ARHGEF11: variants seen among roughly 807,000 people sequenced by gnomAD.
ARHGEF11 encodes Rho guanine exchange factor (GEF) 11.
In ARHGEF11, 55 loss-of-function variants were observed where a neutral mutation model predicts 193.7. The observed-to-expected ratio is 0.28, with a 90% CI of 0.23 to 0.36. ARHGEF11 has a LOEUF of 0.36. ARHGEF11 is among the 10% of genes least tolerant of loss of function. The probability of loss-of-function intolerance (pLI) is 1.00; values close to 1 mark genes in which losing one functional copy is unlikely to be tolerated. For synonymous variants in ARHGEF11, 693 were observed against 768.0 expected, an observed-to-expected ratio of 0.90 and a Z score of 1.62; for missense variants, 1,723 against 2,005.6, an observed-to-expected ratio of 0.86 and a Z score of 2.69.
chr1:156,969,951 C>G, intron 9 of ARHGEF11, 47 bp downstream of exon 9: 2 of 1,602,266 alleles, frequency 1.2e-6, no homozygotes, highest in Non-Finnish European at 8.5e-7. Flanking sequence ...GGTAAGAAAC[C>G]TGGACTAGAG....
chr1:157,039,205 A>G (rs1329638824), intron 1 of ARHGEF11, among the ~76,000 whole-genome samples: 1 of 152,184 alleles, frequency 6.6e-6, no homozygotes, highest in Non-Finnish European at 1.5e-5. Context: ...AAGCCAGACA[A>G]TGATTTCTGA....
intron 1 of ARHGEF11, among the ~76,000 whole-genome samples, chr1:157,007,102 C>T (rs1381751794): frequency 6.6e-6 from 1 of 152,012 alleles, no homozygotes; most frequent in Non-Finnish European, 1.5e-5. Flanking sequence ...TCTCCACATA[C>T]ATTTCAGGGT....
rs1490647221 is a variant in ARHGEF11 at position 157,045,674 on chromosome 1, G to A, written c.-1344C>T. 2.7e-5 allele frequency among the ~76,000 whole-genome samples: 4 copies of A among 150,570 alleles called. No individual in the cohort carries two copies. Among genetic ancestry groups the A allele is most frequent in the African/African-American group, 4.8e-5 (2 of 41,254 alleles). The stretch of plus-strand genomic sequence containing the variant: ...TGTTCCGGCCTTCGCGGCCGCTCGG[G>A]ACGCCAGGCTCGGCGCACAGGGAAG... On this transcript the variant is annotated 5_prime_UTR_variant, in exon 1 of 41. Coordinates refer to ENST00000368194, the MANE Select transcript of ARHGEF11 (RefSeq NM_198236.3).
At chr1:157,021,264 T>A (rs572993827) in intron 1 of ARHGEF11, among the ~76,000 whole-genome samples, 166 of 152,256 alleles carry the variant, frequency 1.1e-3, no homozygotes, top group African/African-American at 3.7e-3. Context: ...TAGACATGCA[T>A]CCTTCCAATC....
chr1:157,012,805 T>C (rs1433223732), intron 1 of ARHGEF11, among the ~76,000 whole-genome samples: 2 of 152,210 alleles, frequency 1.3e-5, no homozygotes, highest in Non-Finnish European at 2.9e-5. Flanking sequence ...TGGTGTGTAG[T>C]AGATGCTATA....
intron 1 of ARHGEF11, among the ~76,000 whole-genome samples, chr1:156,998,556 T>C (rs145751580): frequency 7.0e-4 from 106 of 152,280 alleles, no homozygotes; most frequent in African/African-American, 2.4e-3. Flanking sequence ...GTTTTAAGAA[T>C]TGGTGTAATG....
At chr1:157,009,721 G>A (rs1419326895) in intron 1 of ARHGEF11, among the ~76,000 whole-genome samples, 3 of 152,188 alleles carry the variant, frequency 2.0e-5, no homozygotes, top group Non-Finnish European at 4.4e-5. Flanking sequence ...GTCTAAGCTA[G>A]CTGGAAAACT....
chr1:156,946,479 A>ATGT (rs1658141045), intron 28 of ARHGEF11, among the ~76,000 whole-genome samples, 183 bp downstream of exon 28: 1 of 152,190 alleles, frequency 6.6e-6, no homozygotes, highest in African/African-American at 2.4e-5. Context: ...CTAATCCAGG[A>ATGT]TTCTTTCCAA....
chr1:156,994,183 G>A (rs1572413), intron 1 of ARHGEF11, among the ~76,000 whole-genome samples: 29,664 of 152,010 alleles, frequency 0.2, 3,040 homozygotes, highest in East Asian at 0.33. Context: ...TTAAGCCCCT[G>A]AGAACAGGGA....
chr1:156,969,792 C>T (rs1002079491), intron 9 of ARHGEF11, among the ~76,000 whole-genome samples: 7 of 152,234 alleles, frequency 4.6e-5, no homozygotes, highest in African/African-American at 1.2e-4. Context: ...TTATCTATCC[C>T]GGCTATTGGC....
chr1:156,937,208 G>A lies in ARHGEF11; in HGVS notation c.4440+41C>T, dbSNP rs774110024. 6.2e-6 allele frequency: 10 copies of A among 1,612,102 alleles called. No individual in the cohort carries two copies. In the Admixed American group the frequency reaches 1.7e-4, roughly 27 times the overall value. Reference sequence around the variant, plus strand: ...TCATGGGGAATGGTTTTGGGGTGATGGACTGAAGGCCTGCAGGGACCCAAG... The same window carrying A: ...TCATGGGGAATGGTTTTGGGGTGATAGACTGAAGGCCTGCAGGGACCCAAG... On this transcript the variant is annotated intron_variant, in intron 39 of 40. Coordinates refer to ENST00000368194, the MANE Select transcript of ARHGEF11 (RefSeq NM_198236.3).
chr1:157,032,526 TC>T (rs1305905974), intron 1 of ARHGEF11, among the ~76,000 whole-genome samples: 2 of 152,164 alleles, frequency 1.3e-5, no homozygotes, highest in African/African-American at 2.4e-5. Context: ...TAACAAGCTC[TC>T]CAGCTGATTC....
At chr1:157,003,029 C>T (rs1273839466) in intron 1 of ARHGEF11, among the ~76,000 whole-genome samples, 1 of 152,214 alleles carries the variant, frequency 6.6e-6, no homozygotes, top group African/African-American at 2.4e-5. Flanking sequence ...ATGCTCAGGC[C>T]AGGGCCTGGC....
At chr1:156,963,344 C>T (rs763363280) in intron 12 of ARHGEF11, 40 bp from the exon 13 acceptor site, 1 of 1,573,584 alleles carries the variant, frequency 6.4e-7, no homozygotes, top group Admixed American at 1.7e-5. Flanking sequence ...AAGCCGGGCA[C>T]AGCAGCACAG....
At chr1:157,016,233 T>A (rs1362811629) in intron 1 of ARHGEF11, among the ~76,000 whole-genome samples, 1 of 152,150 alleles carries the variant, frequency 6.6e-6, no homozygotes, top group Non-Finnish European at 1.5e-5. Flanking sequence ...TTATTTATTT[T>A]ATCTTTTTAT....
chr1:156,953,677 T>C (rs1659456178), intron 21 of ARHGEF11, among the ~76,000 whole-genome samples: 1 of 151,106 alleles, frequency 6.6e-6, no homozygotes, highest in African/African-American at 2.4e-5. Flanking sequence ...CATTGCTGTC[T>C]CTCTCTCTCT....
intron 1 of ARHGEF11, among the ~76,000 whole-genome samples, chr1:157,000,613 T>C (rs988199187): frequency 3.3e-5 from 5 of 152,214 alleles, no homozygotes; most frequent in African/African-American, 9.6e-5. Context: ...CCTGAGTTCA[T>C]ACCAACATCG....
rs1434991404 is a variant in ARHGEF11 at position 156,937,413 on chromosome 1, G to T, written c.4276C>A (p.Pro1426Thr). Residue 1426 changes from proline to threonine, a missense_variant, in exon 39 of 41, where the codon CCT (proline) becomes ACT (threonine). Physicochemically the swap from Pro to Thr is conservative, Grantham distance 38. Coordinates refer to ENST00000368194, the MANE Select transcript of ARHGEF11 (RefSeq NM_198236.3). ...GTCTGCCCTGCAGGGAGGCTGTCAGGCTGAGGGGGGCTCATGGGTGCCTCT... is the reference window on the plus strand; with the variant it reads ...GTCTGCCCTGCAGGGAGGCTGTCAGTCTGAGGGGGGCTCATGGGTGCCTCT... Reference protein sequence around the residue: ...HSEAPMSPPQPDSLPAGQTEP... With the variant: ...HSEAPMSPPQTDSLPAGQTEP... 6.9e-6 allele frequency: 11 copies of T among 1,587,104 alleles called. No individual in the cohort carries two copies. The highest frequency in any genetic ancestry group is 8.6e-6 in the Non-Finnish European group (10 of 1,167,974).
intron 28 of ARHGEF11, 77 bp from the exon 29 acceptor site, chr1:156,946,239 G>A: frequency 8.2e-7 from 1 of 1,223,118 alleles, no homozygotes. Context: ...GGCCAAGATG[G>A]GTGTGAACAT....
Sources: gnomAD v4.1 joint callset for allele counts (sites outside exome capture counted in the v4.1 genomes callset) on GRCh38, gnomAD v4.1.1 for gene constraint, MANE v1.5 for transcripts, NCBI Gene and HGNC (gene_info 2026-07-23, HGNC 2026-07-21) for gene names.